PHEX: variants seen among roughly 807,000 people sequenced by gnomAD.
PHEX encodes the protein phosphate regulating endopeptidase X-linked, also known as phosphate-regulating neutral endopeptidase PHEX.
Under a neutral mutation model 68.0 loss-of-function variants are expected in PHEX, and 16 were observed. That is an observed-to-expected ratio of 0.24 (90% CI 0.16 to 0.36). The LOEUF is 0.36. Ranked by LOEUF, PHEX falls within the 10% of genes least tolerant of loss-of-function variation. PHEX has a pLI of 1.00. For synonymous variants in PHEX, 208 were observed against 205.1 expected (o/e 1.01, Z -0.12); for missense variants, 480 against 575.5 (o/e 0.83, Z 1.70).
At chrX:22,095,481 G>T (rs1930095608) in intron 7 of PHEX, among the ~76,000 whole-genome samples, 1 of 112,576 alleles carries the variant, frequency 8.9e-6, no homozygotes, top group Admixed American at 9.4e-5. Context: ...CTATTGTGTG[G>T]AGGGGAGTGG....
At chrX:22,245,494 G>C in intron 21 of PHEX, 85 bp downstream of exon 21, 1 of 657,063 alleles carries the variant, frequency 1.5e-6, no homozygotes, top group Non-Finnish European at 2.5e-6. Flanking sequence ...GGCTCTACCA[G>C]ATAGGTGATC....
At chrX:22,085,310 C>T (rs1929576966) in intron 5 of PHEX, among the ~76,000 whole-genome samples, 2 of 111,065 alleles carry the variant, frequency 1.8e-5, no homozygotes, top group Non-Finnish European at 3.8e-5. Context: ...CATGGTGGCT[C>T]ATGCCTGTAA....
At chrX:22,212,870 CT>C in intron 15 of PHEX, 33 bp from the exon 16 acceptor site, 3 of 1,099,791 alleles carry the variant, frequency 2.7e-6, no homozygotes, top group Non-Finnish European at 3.8e-6. Flanking sequence ...GAATCAATCT[CT>C]CTATATCTCT....
In PHEX at chrX:22,137,963, G is replaced by T. The variant is rs748894025; in HGVS notation, c.1404+4339G>T. On this transcript the variant is annotated intron_variant, in intron 12 of 21. Transcript: ENST00000379374. Reference sequence around the variant, plus strand: ...ACAGTTGATGGGAGTTGCTGTGTGTGGCCCCCGCTCCCTCATCCCTCTAGT... The same window carrying T: ...ACAGTTGATGGGAGTTGCTGTGTGTTGCCCCCGCTCCCTCATCCCTCTAGT... 9.8e-5 allele frequency among the ~76,000 whole-genome samples: 11 copies of T among 112,314 alleles called. No homozygotes were observed. The East Asian group carries it at 3.1e-3, about 32-fold the overall frequency.
chrX:22,201,205 C>T (rs1338154485), intron 15 of PHEX, among the ~76,000 whole-genome samples: 2 of 111,124 alleles, frequency 1.8e-5, no homozygotes, highest in African/African-American at 6.5e-5. Context: ...GTGACAGAGT[C>T]TCACTCTGTC....
At chrX:22,223,277 AC>A (rs1237230482) in intron 18 of PHEX, among the ~76,000 whole-genome samples, 1 of 111,435 alleles carries the variant, frequency 9.0e-6, no homozygotes, top group Non-Finnish European at 1.9e-5. Flanking sequence ...CAGATGGGGC[AC>A]TACAGATGCA....
At chrX:22,127,388 G>A (rs1282695681) in intron 11 of PHEX, among the ~76,000 whole-genome samples, 1 of 111,141 alleles carries the variant, frequency 9.0e-6, no homozygotes, top group Non-Finnish European at 1.9e-5. Flanking sequence ...TGGTTGAGGT[G>A]TGAGGTCCAA....
chrX:22,228,013 T>C (rs185326968), intron 20 of PHEX, among the ~76,000 whole-genome samples: 351 of 111,661 alleles, frequency 3.1e-3, no homozygotes, highest in Middle Eastern at 0.014. Flanking sequence ...GCCACCACTC[T>C]CAGCCTGTGG....
intron 15 of PHEX, among the ~76,000 whole-genome samples, chrX:22,198,015 G>A (rs1445077558): frequency 9.5e-6 from 1 of 105,012 alleles, no homozygotes; most frequent in African/African-American, 3.4e-5. Flanking sequence ...ATGTTATCTA[G>A]TACATTTTAT....
At chrX:22,046,500 A>T (rs1927532617) in intron 2 of PHEX, among the ~76,000 whole-genome samples, 1 of 109,765 alleles carries the variant, frequency 9.1e-6, no homozygotes, top group Admixed American at 9.8e-5. Context: ...CATACCCCAC[A>T]GATGTTAGGG....
chrX:22,073,186 AG>A (rs1928982650), intron 3 of PHEX, among the ~76,000 whole-genome samples: 1 of 112,431 alleles, frequency 8.9e-6, no homozygotes, highest in African/African-American at 3.2e-5. Flanking sequence ...AGGAAGCACT[AG>A]AAACAAGCTT....
At chrX:22,185,057 CA>C (rs1248219421) in intron 14 of PHEX, among the ~76,000 whole-genome samples, 1 of 111,393 alleles carries the variant, frequency 9.0e-6, no homozygotes, top group African/African-American at 3.3e-5. Flanking sequence ...ATAGGTGTAC[CA>C]ATGTCTTTTT....
chrX:22,115,166 A>T, intron 11 of PHEX, among the ~76,000 whole-genome samples: 1 of 110,729 alleles, frequency 9.0e-6, no homozygotes, highest in Non-Finnish European at 1.9e-5. Context: ...CATCTCTACT[A>T]AAAAAAATAC....
chrX:22,140,969 G>A (rs1057192413), intron 12 of PHEX, among the ~76,000 whole-genome samples: 3 of 107,903 alleles, frequency 2.8e-5, no homozygotes, highest in East Asian at 5.8e-4. Context: ...GAGAGTGTGA[G>A]CACACTTACC....
intron 12 of PHEX, among the ~76,000 whole-genome samples, chrX:22,151,955 A>T (rs192029181): frequency 3.8e-4 from 42 of 111,789 alleles, no homozygotes; most frequent in African/African-American, 1.2e-3. Flanking sequence ...TCATCCTTAC[A>T]TCTGAGAATA....
intron 3 of PHEX, among the ~76,000 whole-genome samples, chrX:22,068,900 G>T (rs374245076): frequency 8.9e-6 from 1 of 112,154 alleles, no homozygotes; most frequent in South Asian, 3.7e-4. Context: ...GGAGGCCGAG[G>T]CAGGCAGATC....
chrX:22,203,648 G>C (rs1192907804), intron 15 of PHEX, among the ~76,000 whole-genome samples: 6 of 111,372 alleles, frequency 5.4e-5, no homozygotes, highest in South Asian at 3.8e-4. Flanking sequence ...CTGATTACAA[G>C]AACTAATCCT....
chrX:22,104,549 A>G (rs1329487408), intron 9 of PHEX, among the ~76,000 whole-genome samples: 2 of 111,833 alleles, frequency 1.8e-5, no homozygotes, highest in Non-Finnish European at 3.8e-5. Context: ...CAATTCAACT[A>G]TGGGGGATTT....
intron 8 of PHEX, chrX:22,098,100 T>TTG (rs1930227771): frequency 8.8e-6 from 1 of 113,335 alleles, no homozygotes; most frequent in African/African-American, 3.4e-5. Context: ...TGTGTTTTTT[T>TTG]TTTTTTTTTT....
Sources: allele counts gnomAD v4.1 joint callset (sites outside exome capture counted in the v4.1 genomes callset), GRCh38; gene constraint gnomAD v4.1.1; transcripts MANE v1.5; gene names NCBI Gene and HGNC (gene_info 2026-07-23, HGNC 2026-07-21).